The following SNRPA variants were observed in gnomAD, a reference collection of about 807,000 sequenced individuals.
SNRPA encodes the protein U1 small nuclear ribonucleoprotein A.
In SNRPA, 10 loss-of-function variants were observed where a neutral mutation model predicts 24.5. That is an observed-to-expected ratio of 0.41 (90% CI 0.25 to 0.69). The LOEUF is 0.69. Ranked by LOEUF, SNRPA falls within the 30% of genes least tolerant of loss-of-function variation. The pLI is 0.33. For missense variants in SNRPA, 283 were observed against 394.7 expected, an observed-to-expected ratio of 0.72 and a Z score of 2.40; for synonymous variants, 165 against 148.4, an observed-to-expected ratio of 1.11 and a Z score of -0.81.
At chr19:40,757,565 G>T in intron 2 of SNRPA, 61 bp downstream of exon 2, 10 of 1,478,906 alleles carry the variant, frequency 6.8e-6, no homozygotes, top group Non-Finnish European at 7.3e-6. Flanking sequence ...GACTGGGCGG[G>T]CCTGGATTAG....
chr19:40,761,452 CTTT>C (rs1201532861), intron 3 of SNRPA, among the ~76,000 whole-genome samples: 1 of 96,398 alleles, frequency 1.0e-5, no homozygotes, highest in Non-Finnish European at 2.3e-5. Context: ...TTTTCTTTTT[CTTT>C]TTCTTTTTTT....
At chr19:40,763,207 A>C in intron 4 of SNRPA, 133 bp downstream of exon 4, 1 of 660,872 alleles carries the variant, frequency 1.5e-6, no homozygotes, top group South Asian at 1.9e-5. Flanking sequence ...CTGAATGAGG[A>C]AGTAGCAGTG....
intron 1 of SNRPA, 51 bp from the exon 2 acceptor site, chr19:40,757,281 G>A (rs374790864): frequency 3.8e-6 from 6 of 1,582,562 alleles, no homozygotes; most frequent in Non-Finnish European, 5.2e-6. Context: ...TATTTGGGCT[G>A]CGCTTCTTCT....
chr19:40,752,005 G>T (rs2082873774), intron 1 of SNRPA, among the ~76,000 whole-genome samples: 1 of 152,130 alleles, frequency 6.6e-6, no homozygotes, highest in Non-Finnish European at 1.5e-5. Flanking sequence ...CAACAATCTT[G>T]TAGGAAGAAG....
intron 2 of SNRPA, among the ~76,000 whole-genome samples, chr19:40,758,541 C>T (rs1160385946): frequency 6.6e-6 from 1 of 152,200 alleles, no homozygotes. Context: ...AAAATACCAA[C>T]AGCCTTTCTA....
rs142041325 is a variant in SNRPA, at chr19:40,765,137, C to T, written c.819C>T (p.Asn273=). 301 of 1,549,908 alleles carry T rather than the reference C, an allele frequency of 1.9e-4. 1 individual carries two copies. The African/African-American group carries it at 2.6e-3, about 14-fold the overall frequency. ...AGGGCTTTAAGATCACGCAGAACAA[C>T]GCCATGAAGATCTCCTTTGCCAAGA... is the stretch of plus-strand genomic sequence containing the variant. ...ALQGFKITQN[N]AMKISFAKK is the part of the protein sequence containing the mutation. The change falls in exon 6 of 6, where the codon AAC becomes AAT. Residue 273 remains asparagine (N), a synonymous_variant. Coordinates refer to ENST00000243563, the MANE Select transcript of SNRPA (RefSeq NM_004596.5).
intron 2 of SNRPA, among the ~76,000 whole-genome samples, chr19:40,758,398 A>G (rs765188098): frequency 3.3e-5 from 5 of 152,172 alleles, no homozygotes; most frequent in Non-Finnish European, 5.9e-5. Flanking sequence ...TTAAACAGCT[A>G]AGTGAGTGAG....
At position 40,765,168 on chromosome 19, in the gene SNRPA, C is replaced by T. The variant is rs748108651; in HGVS notation, c.*1C>T. 21 of 1,527,628 alleles carry T rather than the reference C, an allele frequency of 1.4e-5. 2 individuals carry two copies. In the Admixed American group the frequency reaches 3.5e-4, roughly 26 times the overall value. 94.6% of individuals were successfully genotyped at this position (1,527,628 alleles called of 1,614,324 possible). On this transcript the variant is annotated 3_prime_UTR_variant, in exon 6 of 6. Transcript: ENST00000243563. The stretch of plus-strand genomic sequence containing the variant: ...GAAGATCTCCTTTGCCAAGAAGTAG[C>T]ACCTTTTCCCCCCATGCCTGCCCCT...
intron 3 of SNRPA, 125 bp downstream of exon 3, chr19:40,759,735 T>A (rs1227636259): frequency 1.2e-5 from 10 of 810,668 alleles, no homozygotes; most frequent in Non-Finnish European, 1.7e-5. Context: ...TCCATTTCTT[T>A]ATAGAGATGT....
Position 40,751,341 on chromosome 19 carries a change from G to A in SNRPA, c.-68G>A. On this transcript the variant is annotated 5_prime_UTR_variant, in exon 1 of 6. Coordinates refer to ENST00000243563, the MANE Select transcript of SNRPA (RefSeq NM_004596.5). ...TTGAGCAGCCGACGTTGGGACAAAGGATTTGGAGAAACCCAGGGCTAAAGT... is the reference window on the plus strand; with the variant it reads ...TTGAGCAGCCGACGTTGGGACAAAGAATTTGGAGAAACCCAGGGCTAAAGT... 8.1e-7 allele frequency: 1 copy of A among 1,228,800 alleles called. No individual in the cohort carries two copies. Among genetic ancestry groups the A allele is most frequent in the South Asian group, 1.2e-5 (1 of 83,282 alleles). The allele number at this position is 1,228,800 out of a possible 1,614,324, so 76.1% of individuals were successfully genotyped here.
intron 3 of SNRPA, among the ~76,000 whole-genome samples, chr19:40,761,458 C>CT (rs200242370): frequency 0.26 from 22,101 of 85,162 alleles, 5,300 homozygotes; most frequent in Non-Finnish European, 0.34. Flanking sequence ...TTTTCTTTTT[C>CT]TTTTTTTTTT....
chr19:40,759,474 T>C lies in SNRPA; in HGVS notation c.290T>C (p.Met97Thr). Residue 97 changes from methionine to threonine, a missense_variant, in exon 3 of 6, where the codon ATG (methionine) becomes ACG (threonine). Physicochemically the swap from Met to Thr is moderately conservative, Grantham distance 81 (BLOSUM62 -1). Coordinates refer to ENST00000243563, the MANE Select transcript of SNRPA (RefSeq NM_004596.5). ...ACCGACTCAGATATCATTGCCAAGA[T>C]GAAAGGCACCTTCGTGGAGCGGGAC... The part of the protein sequence containing the change: ...AKTDSDIIAK[M>T]KGTFVERDRK... 1 of 1,613,710 alleles carries C rather than the reference T, an allele frequency of 6.2e-7. No individual in the cohort carries two copies. Among genetic ancestry groups the C allele is most frequent in the Non-Finnish European group, 8.5e-7 (1 of 1,179,946 alleles).
At chr19:40,755,148 C>G (rs986895556) in intron 1 of SNRPA, among the ~76,000 whole-genome samples, 2 of 151,634 alleles carry the variant, frequency 1.3e-5, no homozygotes, top group African/African-American at 4.9e-5. Flanking sequence ...GCAATCTCTG[C>G]TCACTGTAAC....
chr19:40,760,229 C>T (rs2082925833), intron 3 of SNRPA, among the ~76,000 whole-genome samples: 1 of 152,118 alleles, frequency 6.6e-6, no homozygotes, highest in African/African-American at 2.4e-5. Context: ...AGCCATATCA[C>T]CCAGGCTAGT....
At chr19:40,756,037 C>T (rs1238458633) in intron 1 of SNRPA, among the ~76,000 whole-genome samples, 2 of 152,042 alleles carry the variant, frequency 1.3e-5, no homozygotes, top group African/African-American at 4.8e-5. Context: ...TTTGGGGAAG[C>T]CAAGGCAGGA....
At chr19:40,751,624 G>A in intron 1 of SNRPA, 143 bp downstream of exon 1, 1 of 689,544 alleles carries the variant, frequency 1.5e-6, no homozygotes, top group Non-Finnish European at 2.6e-6. Context: ...ACTACTTCCT[G>A]TCTTCAACAC....
chr19:40,751,425 C>G lies in SNRPA; in HGVS notation c.17C>G (p.Thr6Ser), dbSNP rs2082859990. The change falls in exon 1 of 6, where the codon ACC (threonine) becomes AGC (serine). Residue 6 changes from threonine to serine, a missense_variant. Thr to Ser is a moderately conservative substitution (Grantham distance 58). This residue lies in a region of SNRPA where 32 missense variants were observed against 26.8 expected (regional missense o/e 1.19). Coordinates refer to ENST00000243563, the MANE Select transcript of SNRPA (RefSeq NM_004596.5). ...CTTCACTCCATGGCAGTTCCCGAGA[C>G]CCGCCCTAACCACACTATTTATATC... is the stretch of plus-strand genomic sequence containing the variant. MAVPE[T>S]RPNHTIYINN... 1 of 1,613,180 alleles carries G rather than the reference C, an allele frequency of 6.2e-7. No individual in the cohort carries two copies. Among genetic ancestry groups the G allele is most frequent in the Non-Finnish European group, 8.5e-7 (1 of 1,179,198 alleles).
intron 4 of SNRPA, chr19:40,763,377 G>T: frequency 1.6e-6 from 1 of 609,346 alleles, no homozygotes; most frequent in Non-Finnish European, 2.9e-6. Context: ...AGCAGGGACT[G>T]AGATAGAAAC....
In SNRPA at chr19:40,764,760, G is replaced by A. The variant is rs146127715; in HGVS notation, c.690-248G>A. ...ATTTAGGAAGGGCCCAGGAGACTGC[G>A]GTGTACTGTTTCTTGATTTAGGTTG... On this transcript the variant is annotated intron_variant, in intron 5 of 5. Transcript: ENST00000243563. Among the ~76,000 whole-genome samples, 688 of 152,222 alleles carry A rather than the reference G, an allele frequency of 4.5e-3. 2 individuals carry two copies. Among genetic ancestry groups the A allele is most frequent in the African/African-American group, 0.015 (603 of 41,530 alleles).
Sources: gnomAD v4.1 joint callset for allele counts (sites outside exome capture counted in the v4.1 genomes callset) on GRCh38, gnomAD v4.1.1 for gene constraint, gnomAD v4.1.1 regional missense constraint, MANE v1.5 for transcripts, NCBI Gene and HGNC (gene_info 2026-07-23, HGNC 2026-07-21) for gene names.